The following PCDH15 variants were observed in gnomAD, a reference collection of about 807,000 sequenced individuals.
PCDH15 encodes the protein protocadherin related 15.
PCDH15 carries 129 observed loss-of-function variants against 178.5 expected under a neutral mutation model. That is an observed-to-expected ratio of 0.72 (90% CI 0.63 to 0.84). The LOEUF is 0.84. PCDH15 is among the 40% of genes least tolerant of loss of function. The pLI, the probability that PCDH15 is intolerant of heterozygous loss-of-function variation, is 0.00. For synonymous variants in PCDH15, 800 were observed against 732.0 expected (o/e 1.09, Z -1.50); for missense variants, 2,230 against 2,099.9 (o/e 1.06, Z -1.21).
At chr10:54,063,433 CCT>C (rs1231065772) in intron 18 of PCDH15, among the ~76,000 whole-genome samples, 2 of 152,048 alleles carry the variant, frequency 1.3e-5, no homozygotes, top group African/African-American at 4.8e-5. Context: ...TGCACATGCC[CCT>C]GTTATAGACT....
chr10:53,974,146 T>C (rs1244413677), intron 21 of PCDH15, among the ~76,000 whole-genome samples: 3 of 152,074 alleles, frequency 2.0e-5, no homozygotes, highest in Non-Finnish European at 2.9e-5. Flanking sequence ...GCCTACCAAG[T>C]AGCTGCGATT....
At chr10:54,229,014 T>C (rs533857419) in intron 9 of PCDH15, among the ~76,000 whole-genome samples, 1 of 151,848 alleles carries the variant, frequency 6.6e-6, no homozygotes, top group South Asian at 2.1e-4. Flanking sequence ...TTTTATAATA[T>C]TAATTTTACA....
At chr10:54,105,048 A>G (rs569886570) in intron 15 of PCDH15, among the ~76,000 whole-genome samples, 1 of 151,282 alleles carries the variant, frequency 6.6e-6, no homozygotes, top group East Asian at 1.9e-4. Flanking sequence ...AATTCAGAGC[A>G]AGGACTATCA....
intron 11 of PCDH15, 61 bp downstream of exon 11, chr10:54,195,621 TC>T: frequency 1.0e-5 from 14 of 1,376,668 alleles, no homozygotes; most frequent in Non-Finnish European, 1.3e-5. Context: ...TTGTCATATT[TC>T]CCATTAATGG....
intron 1 of PCDH15, among the ~76,000 whole-genome samples, chr10:55,189,145 G>A (rs1839877214): frequency 6.6e-6 from 1 of 151,676 alleles, no homozygotes; most frequent in Non-Finnish European, 1.5e-5. Context: ...GAGCAACAAG[G>A]GCGCTCCAAT....
At chr10:54,196,374 C>G (rs1359127551) in intron 10 of PCDH15, among the ~76,000 whole-genome samples, 1 of 151,956 alleles carries the variant, frequency 6.6e-6, no homozygotes, top group East Asian at 1.9e-4. Flanking sequence ...GATCTCCTGA[C>G]CTCGTGATCC....
At chr10:53,835,925 A>C (rs554888710) in intron 29 of PCDH15, among the ~76,000 whole-genome samples, 85 of 152,300 alleles carry the variant, frequency 5.6e-4, no homozygotes, top group African/African-American at 1.8e-3. Flanking sequence ...TCATGGTGTA[A>C]GAATAGGAAC....
chr10:55,160,285 AGCAATCCGGGAG>A (rs1839028409), intron 2 of PCDH15, among the ~76,000 whole-genome samples: 2 of 151,792 alleles, frequency 1.3e-5, no homozygotes, highest in Non-Finnish European at 2.9e-5. Flanking sequence ...GAAAGTTGAA[AGCAATCCGGGAG>A]GCAGCCCTGA....
intron 1 of PCDH15, among the ~76,000 whole-genome samples, chr10:54,755,226 C>T (rs1186567588): frequency 1.3e-5 from 2 of 152,070 alleles, no homozygotes; most frequent in Admixed American, 1.3e-4. Context: ...GCCACTGCAC[C>T]CAGCCAGGTT....
intron 2 of PCDH15, among the ~76,000 whole-genome samples, chr10:55,072,580 A>G (rs1048739675): frequency 1.4e-4 from 22 of 152,284 alleles, no homozygotes; most frequent in African/African-American, 5.3e-4. Context: ...GACCAATAAC[A>G]GGCTCTGAAA....
At chr10:53,889,087 A>T (rs747581250) in intron 26 of PCDH15, among the ~76,000 whole-genome samples, 8 of 151,884 alleles carry the variant, frequency 5.3e-5, no homozygotes, top group Non-Finnish European at 1.0e-4. Context: ...TCCCATATGG[A>T]CTGTAAATCT....
intron 2 of PCDH15, among the ~76,000 whole-genome samples, chr10:55,467,836 G>C (rs888303690): frequency 6.6e-6 from 1 of 151,160 alleles, no homozygotes; most frequent in Non-Finnish European, 1.5e-5. Context: ...AGTGGAGGCG[G>C]GCACCTGTAG....
At chr10:55,063,636 T>C (rs1275313216) in intron 2 of PCDH15, among the ~76,000 whole-genome samples, 1 of 152,156 alleles carries the variant, frequency 6.6e-6, no homozygotes, top group Non-Finnish European at 1.5e-5. Context: ...TCTTGTATTA[T>C]TAAAATTAAT....
At chr10:54,184,460 A>T (rs1422004923) in intron 12 of PCDH15, among the ~76,000 whole-genome samples, 1 of 151,788 alleles carries the variant, frequency 6.6e-6, no homozygotes, top group Non-Finnish European at 1.5e-5. Context: ...GTGTATGTTT[A>T]TGTGTGTGTG....
At chr10:55,304,955 T>A (rs1300665733) in intron 1 of PCDH15, among the ~76,000 whole-genome samples, 1 of 152,216 alleles carries the variant, frequency 6.6e-6, no homozygotes, top group African/African-American at 2.4e-5. Context: ...TAGATAGTAT[T>A]TTCATAATAT....
chr10:54,004,863 GA>G (rs34265770), intron 20 of PCDH15, among the ~76,000 whole-genome samples: 107,697 of 145,658 alleles, frequency 0.74, 39,875 homozygotes, highest in African/African-American at 0.85. Context: ...TAAACAAAAG[GA>G]AAAAAAAAAA....
chr10:55,175,517 C>A (rs369050644), intron 1 of PCDH15, among the ~76,000 whole-genome samples: 2 of 151,546 alleles, frequency 1.3e-5, no homozygotes. Flanking sequence ...ACAAAAATTT[C>A]CCGGGCATGG....
At chr10:54,044,003 G>A (rs1289189603) in intron 18 of PCDH15, among the ~76,000 whole-genome samples, 6 of 152,092 alleles carry the variant, frequency 3.9e-5, no homozygotes, top group Non-Finnish European at 8.8e-5. Context: ...TCAAGTTGCA[G>A]CATGTTCTAA....
chr10:55,053,358 C>T (rs546594917), intron 2 of PCDH15, among the ~76,000 whole-genome samples: 5 of 152,168 alleles, frequency 3.3e-5, no homozygotes, highest in Non-Finnish European at 7.3e-5. Context: ...CCAGCACCGA[C>T]AGAAGCAGAG....
Sources: allele counts gnomAD v4.1 joint callset (sites outside exome capture counted in the v4.1 genomes callset), GRCh38; gene constraint gnomAD v4.1.1; transcripts MANE v1.5; gene names NCBI Gene and HGNC (gene_info 2026-07-23, HGNC 2026-07-21).